The following STRIP1 variants were observed in gnomAD, a reference collection of about 807,000 sequenced individuals.
The protein encoded by STRIP1 is striatin interacting protein 1.
A neutral mutation model predicts 106.2 loss-of-function variants in STRIP1; 63 were observed. The observed-to-expected ratio is 0.59, with a 90% CI of 0.48 to 0.73. STRIP1 has a LOEUF of 0.73. Ranked by LOEUF, STRIP1 falls within the 30% of genes least tolerant of loss-of-function variation. STRIP1 has a pLI of 0.00. For synonymous variants in STRIP1, 390 were observed against 413.0 expected (o/e 0.94, Z 0.67); for missense variants, 857 against 1,074.8 (o/e 0.80, Z 2.83).
chr1:110,040,783 G>A, intron 6 of STRIP1, 80 bp downstream of exon 6: 1 of 1,233,412 alleles, frequency 8.1e-7, no homozygotes, highest in Non-Finnish European at 1.1e-6. Flanking sequence ...CTGTCTGTGG[G>A]TGTCATTGCT....
rs770210646 is a variant in STRIP1 at position 110,049,459 on chromosome 1, G to A, written c.1789-1G>A. ...TTTTTTTTTTTTCCTGTTGGCTTCA[G>A]TTTGAATACATGGCCCAGCACCTGG... is the stretch of plus-strand genomic sequence containing the variant. On this transcript the variant is annotated splice_acceptor_variant, in intron 16 of 20. Coordinates refer to ENST00000369795, the MANE Select transcript of STRIP1 (RefSeq NM_033088.4). LOFTEE classifies it high-confidence loss of function. The A allele has an allele frequency of 6.7e-7, 1 of 1,503,188 alleles. No individual in the cohort carries two copies. Among genetic ancestry groups the A allele is most frequent in the Non-Finnish European group, 9.1e-7 (1 of 1,101,138 alleles). 93.1% of individuals were successfully genotyped at this position (1,503,188 alleles called of 1,614,324 possible). A position where few individuals can be genotyped will look rare whatever the true frequency, so the allele number is the denominator to read the frequency against.
At chr1:110,035,023 C>G (rs545264530) in intron 1 of STRIP1, among the ~76,000 whole-genome samples, 1 of 152,340 alleles carries the variant, frequency 6.6e-6, no homozygotes, top group East Asian at 1.9e-4. Context: ...AGCTCCGCCG[C>G]CCGGGAGAGC....
chr1:110,037,989 G>A, intron 2 of STRIP1, 29 bp downstream of exon 2: 2 of 1,538,278 alleles, frequency 1.3e-6, no homozygotes, highest in East Asian at 2.3e-5. Flanking sequence ...TGTTATTTGG[G>A]GGTGGTTTTT....
chr1:110,042,221 G>T (rs1652799002), intron 8 of STRIP1, among the ~76,000 whole-genome samples: 2 of 152,176 alleles, frequency 1.3e-5, no homozygotes. Context: ...GCCCTGGTTG[G>T]ATATCACTTA....
Position 110,049,570 on chromosome 1 carries a change from G to T in STRIP1, c.1889+10G>T, listed in dbSNP as rs532186872. 8.8e-6 allele frequency: 14 copies of T among 1,589,034 alleles called. No homozygotes were observed. The highest frequency in any genetic ancestry group is 1.7e-4 in the Middle Eastern group (1 of 5,998). On this transcript the variant is annotated intron_variant, in intron 17 of 20. Coordinates refer to ENST00000369795, the MANE Select transcript of STRIP1 (RefSeq NM_033088.4). The stretch of plus-strand genomic sequence containing the variant: ...TCACTGCCAAGAACAGGTGATGAGG[G>T]CCAGGGACCATGAAGGGGTGGATAT...
rs773504048 is a variant in STRIP1, at chr1:110,037,939, A to G, written c.229A>G (p.Lys77Glu). The G allele has an allele frequency of 1.2e-6, 2 of 1,612,788 alleles. No individual in the cohort carries two copies. Among genetic ancestry groups the G allele is most frequent in the Non-Finnish European group, 1.7e-6 (2 of 1,179,154 alleles). Residue 77 changes from lysine (K) to glutamate (E), a missense_variant, in exon 2 of 21, where the codon AAG (lysine) becomes GAG (glutamate). Lys to Glu is a moderately conservative substitution (Grantham distance 56). Coordinates refer to ENST00000369795, the MANE Select transcript of STRIP1 (RefSeq NM_033088.4). ...GGAGTTTGAGTATGCTGACACAGAC[A>G]AGTGGGCTGCAGAGCTCTCGGGTAA... is the stretch of plus-strand genomic sequence containing the variant. ...DLEFEYADTD[K>E]WAAELSELYS... is the part of the protein sequence containing the mutation.
At position 110,040,669 on chromosome 1, in the gene STRIP1, C is replaced by G. The variant is rs763206047; in HGVS notation, c.616C>G (p.Pro206Ala). 3.1e-6 allele frequency: 5 copies of G among 1,612,364 alleles called. No individual in the cohort carries two copies. In the Admixed American group the frequency reaches 5.0e-5, roughly 16 times the overall value. ...SAACSSAVRK[P>A]AISLADSTDL... ...CGCCTGCAGCAGTGCTGTGAGGAAG[C>G]CTGCCATCTCCCTGGCTGACAGCAC... is the stretch of plus-strand genomic sequence containing the variant. Residue 206 changes from proline to alanine, a missense_variant, in exon 6 of 21, where the codon CCT becomes GCT. Coordinates refer to ENST00000369795, the MANE Select transcript of STRIP1 (RefSeq NM_033088.4).
chr1:110,037,623 G>A (rs189958389), intron 1 of STRIP1, among the ~76,000 whole-genome samples: 2 of 152,160 alleles, frequency 1.3e-5, no homozygotes, highest in South Asian at 4.1e-4. Context: ...GAAATCATTG[G>A]TAAGTTAAAT....
In STRIP1 at chr1:110,053,944, A is replaced by G. The variant is rs1653419459; in HGVS notation, c.*32A>G. Reference sequence around the variant, plus strand: ...TGGTTAGGGGACTGAAATGGAGAGAAAAGATGATCTGAAGGTACCTGTGGG... The same window carrying G: ...TGGTTAGGGGACTGAAATGGAGAGAGAAGATGATCTGAAGGTACCTGTGGG... On this transcript the variant is annotated 3_prime_UTR_variant, in exon 21 of 21. Transcript: ENST00000369795. 1.2e-6 allele frequency: 2 copies of G among 1,611,866 alleles called. No individual in the cohort carries two copies. Among genetic ancestry groups the G allele is most frequent in the African/African-American group, 1.3e-5 (1 of 74,986 alleles).
In STRIP1 at chr1:110,039,154, T is replaced by G; in HGVS notation, c.326-18T>G. On this transcript the variant is annotated intron_variant, in intron 3 of 20. Coordinates refer to ENST00000369795, the MANE Select transcript of STRIP1 (RefSeq NM_033088.4). ...GGATTTTTCTAGGCTCAGGTGTAAC[T>G]GGTTTCTTGCCCTGCAGTGACAGAC... is the stretch of plus-strand genomic sequence containing the variant. 6.2e-7 allele frequency: 1 copy of G among 1,613,444 alleles called. No individual in the cohort carries two copies. Among genetic ancestry groups the G allele is most frequent in the Middle Eastern group, 1.7e-4 (1 of 6,056 alleles).
intron 5 of STRIP1, chr1:110,039,862 G>A: frequency 7.7e-7 from 1 of 1,299,460 alleles, no homozygotes; most frequent in East Asian, 5.4e-5. Context: ...GCCTTGGCAG[G>A]AGGCCAGGCA....
At chr1:110,050,024 G>T in intron 17 of STRIP1, 1 of 396,874 alleles carries the variant, frequency 2.5e-6, no homozygotes, top group South Asian at 2.7e-5. Context: ...TCTCCAGAAA[G>T]GTTTGGCATA....
intron 20 of STRIP1, among the ~76,000 whole-genome samples, chr1:110,052,316 C>T (rs747429138): frequency 1.3e-4 from 20 of 152,162 alleles, no homozygotes; most frequent in Non-Finnish European, 2.2e-4. Context: ...GTTGCCCAGG[C>T]TAGAGTGCGA....
intron 1 of STRIP1, among the ~76,000 whole-genome samples, chr1:110,036,970 C>T (rs928316819): frequency 6.6e-6 from 1 of 152,006 alleles, no homozygotes; most frequent in Non-Finnish European, 1.5e-5. Context: ...ACTACAGGCA[C>T]GCCCCACCAT....
At position 110,039,700 on chromosome 1, in the gene STRIP1, A is replaced by G. The variant is rs905483544; in HGVS notation, c.581+185A>G. On this transcript the variant is annotated intron_variant, in intron 5 of 20. Transcript: ENST00000369795. ...TACACCTTGAAGATTAATGGAGACT[A>G]ATGACAGGTCCCTGCAGCTCCCTGA... 1.5e-4 allele frequency: 145 copies of G among 986,900 alleles called. 1 individual carries two copies. Among genetic ancestry groups the G allele is most frequent in the Non-Finnish European group, 1.9e-4 (127 of 670,070 alleles). 61.1% of individuals were successfully genotyped at this position (986,900 alleles called of 1,614,324 possible). A position where few individuals can be genotyped will look rare whatever the true frequency, so the allele number is the denominator to read the frequency against.
At chr1:110,038,071 AATAT>A (rs3085770) in intron 2 of STRIP1, 111 bp downstream of exon 2, 15,712 of 130,278 alleles carry the variant, frequency 0.12, 1,622 homozygotes, top group South Asian at 0.26. Flanking sequence ...AGTTCTATCA[AATAT>A]ATATATATAT....
intron 8 of STRIP1, chr1:110,042,844 G>A (rs778879733): frequency 7.5e-5 from 36 of 479,338 alleles, no homozygotes; most frequent in Non-Finnish European, 1.0e-4. Flanking sequence ...TGCAGAGTTA[G>A]TGTATCTGCA....
intron 13 of STRIP1, 110 bp from the exon 14 acceptor site, chr1:110,047,432 A>T: frequency 1.3e-6 from 1 of 782,102 alleles, no homozygotes; most frequent in Non-Finnish European, 2.2e-6. Flanking sequence ...CATCATTAAC[A>T]TCATTATGTA....
intron 10 of STRIP1, 82 bp downstream of exon 10, chr1:110,043,938 C>A: frequency 7.8e-7 from 1 of 1,286,982 alleles, no homozygotes; most frequent in Non-Finnish European, 1.1e-6. Context: ...GCCTGTGTCA[C>A]CATGTGTGGT....
Sources: allele counts gnomAD v4.1 joint callset (sites outside exome capture counted in the v4.1 genomes callset), GRCh38; gene constraint gnomAD v4.1.1; transcripts MANE v1.5; gene names NCBI Gene and HGNC (gene_info 2026-07-23, HGNC 2026-07-21).